Variants in SLC15A2 observed in about 807,000 individuals in gnomAD.
The protein encoded by SLC15A2 is kidney H(+)/peptide cotransporter.
Under a neutral mutation model 95.5 loss-of-function variants are expected in SLC15A2, and 77 were observed. The ratio of observed to expected loss-of-function variants is 0.81; its 90% CI spans 0.67 to 0.97. The LOEUF is 0.97. Among genes scored for constraint, SLC15A2 ranks in the 50% least tolerant of loss-of-function variants. The pLI, the probability that SLC15A2 is intolerant of heterozygous loss-of-function variation, is 0.00. For synonymous variants in SLC15A2, 306 were observed against 306.9 expected, an observed-to-expected ratio of 1.00 and a Z score of 0.03; for missense variants, 893 against 874.4, an observed-to-expected ratio of 1.02 and a Z score of -0.27.
intron 1 of SLC15A2, 139 bp from the exon 2 acceptor site, chr3:121,896,267 G>T: frequency 1.5e-6 from 1 of 680,696 alleles, no homozygotes; most frequent in Non-Finnish European, 2.7e-6. Flanking sequence ...TAATAGGTGT[G>T]TCATGAAGAG....
intron 19 of SLC15A2, among the ~76,000 whole-genome samples, chr3:121,934,843 G>A (rs1029294896): frequency 3.9e-4 from 60 of 151,968 alleles, no homozygotes; most frequent in African/African-American, 1.4e-3. Context: ...TCTTGTGCCA[G>A]TTTTCAAAGG....
chr3:121,922,807 T>C lies in SLC15A2; in HGVS notation c.813T>C (p.Ser271=). The change falls in exon 9 of 22, where the codon TCT becomes TCC. Residue 271 remains serine, a synonymous_variant. Coordinates refer to ENST00000489711, the MANE Select transcript of SLC15A2 (RefSeq NM_021082.4). ...TTTCCAATCGTTTCAAGAACCGTTC[T>C]GGAGACATTCCAAAGCGACAGCACT... The part of the protein sequence containing the change: ...FAISNRFKNR[S]GDIPKRQHWL... The C allele has an allele frequency of 2.5e-6, 4 of 1,614,030 alleles. No individual in the cohort carries two copies. The highest frequency in any genetic ancestry group is 3.4e-6 in the Non-Finnish European group (4 of 1,179,896).
At chr3:121,930,973 C>A (rs1710221791) in intron 18 of SLC15A2, 23 bp downstream of exon 18, 1 of 1,456,404 alleles carries the variant, frequency 6.9e-7, no homozygotes, top group Non-Finnish European at 9.6e-7. Context: ...CCCCTGTGGA[C>A]ATTTTACTTT....
intron 7 of SLC15A2, among the ~76,000 whole-genome samples, chr3:121,920,953 C>G (rs1044071237): frequency 1.3e-5 from 2 of 152,084 alleles, no homozygotes; most frequent in Admixed American, 6.5e-5. Flanking sequence ...TGGGAGGGAA[C>G]CAAGATGGAG....
intron 8 of SLC15A2, 25 bp downstream of exon 8, chr3:121,922,327 C>G: frequency 6.3e-7 from 1 of 1,589,030 alleles, no homozygotes; most frequent in East Asian, 2.2e-5. Flanking sequence ...TGTTTTCTTG[C>G]CTTTTTCAAT....
rs760536571 is a variant in SLC15A2 at position 121,924,977 on chromosome 3, C to T, written c.1068C>T (p.Ile356=). ...VLNPLLVLIF[I]PLFDFVIYRL... ...ATCCCCTTCTGGTTCTTATCTTCAT[C>T]CCGTTGTTTGACTTTGTCATTTATC... Residue 356 remains isoleucine (I), a synonymous_variant, in exon 13 of 22, where the codon ATC becomes ATT. Transcript: ENST00000489711. The T allele has an allele frequency of 5.0e-6, 8 of 1,613,098 alleles. No individual in the cohort carries two copies. Among genetic ancestry groups the T allele is most frequent in the Non-Finnish European group, 6.8e-6 (8 of 1,179,142 alleles).
chr3:121,911,694 C>A, intron 4 of SLC15A2, 28 bp downstream of exon 4: 2 of 1,342,338 alleles, frequency 1.5e-6, no homozygotes, highest in Non-Finnish European at 2.1e-6. Context: ...ATCAACTAAA[C>A]TACTTTTCTC....
intron 7 of SLC15A2, among the ~76,000 whole-genome samples, chr3:121,917,774 G>T (rs1709925443): frequency 6.6e-6 from 1 of 152,080 alleles, no homozygotes; most frequent in Admixed American, 6.5e-5. Flanking sequence ...GACATTTAAG[G>T]TGAGACCTAA....
At position 121,941,780 on chromosome 3, in the gene SLC15A2, CAG is replaced by C. The variant is rs1710468319; in HGVS notation, c.*776_*777del. The C allele has an allele frequency of 6.6e-6, 1 of 152,234 alleles. No homozygotes were observed. 9.4% of individuals were successfully genotyped at this position (152,234 alleles called of 1,614,324 possible). On this transcript the variant is annotated 3_prime_UTR_variant, in exon 22 of 22. Transcript: ENST00000489711. ...TCCTGAAGAGCCAGTCATTCTTTTA[CAG>C]AGTACATTCTTCTTAGCCTCTATGG...
At chr3:121,913,228 T>G in intron 5 of SLC15A2, 108 bp downstream of exon 5, 5 of 782,768 alleles carry the variant, frequency 6.4e-6, no homozygotes, top group Non-Finnish European at 8.7e-6. Flanking sequence ...GGTCAGATCT[T>G]ATCTGAGCAG....
At chr3:121,908,274 A>G (rs573560674) in intron 3 of SLC15A2, among the ~76,000 whole-genome samples, 3 of 152,204 alleles carry the variant, frequency 2.0e-5, no homozygotes, top group Non-Finnish European at 4.4e-5. Flanking sequence ...GCGATTTTCC[A>G]GGTACAGTCT....
At chr3:121,909,659 T>C (rs1272207873) in intron 3 of SLC15A2, among the ~76,000 whole-genome samples, 1 of 152,190 alleles carries the variant, frequency 6.6e-6, no homozygotes, top group East Asian at 1.9e-4. Context: ...TTTTAATCTA[T>C]AAGTTGCCTA....
At chr3:121,905,224 T>C (rs1424140615) in intron 3 of SLC15A2, among the ~76,000 whole-genome samples, 1 of 152,222 alleles carries the variant, frequency 6.6e-6, no homozygotes, top group Admixed American at 6.5e-5. Flanking sequence ...ATTGTATCTA[T>C]TTGATTCTTC....
At chr3:121,898,385 T>C (rs1345133398) in intron 3 of SLC15A2, among the ~76,000 whole-genome samples, 7 of 152,186 alleles carry the variant, frequency 4.6e-5, no homozygotes, top group Non-Finnish European at 1.0e-4. Flanking sequence ...CAGTTCAGTA[T>C]CTTTTAAGTC....
In SLC15A2 at chr3:121,911,762, A is replaced by G; in HGVS notation, c.428+96A>G. On this transcript the variant is annotated intron_variant, in intron 4 of 21. Coordinates refer to ENST00000489711, the MANE Select transcript of SLC15A2 (RefSeq NM_021082.4). Reference sequence around the variant, plus strand: ...TACCAGAGATGTCTCTTTATTTTCAATCTACAGTTTACTACAAAACTGGTT... The same window carrying G: ...TACCAGAGATGTCTCTTTATTTTCAGTCTACAGTTTACTACAAAACTGGTT... 4.8e-6 allele frequency: 4 copies of G among 830,402 alleles called. No homozygotes were observed. In the South Asian group the frequency reaches 6.1e-5, roughly 13 times the overall value. 51.4% of individuals were successfully genotyped at this position (830,402 alleles called of 1,614,324 possible). A position where few individuals can be genotyped will look rare whatever the true frequency, so the allele number is the denominator to read the frequency against.
At chr3:121,928,302 G>T in intron 14 of SLC15A2, 119 bp from the exon 15 acceptor site, 1 of 1,249,740 alleles carries the variant, frequency 8.0e-7, no homozygotes. Context: ...TTTTCAGAGG[G>T]AGAAAACTAT....
At chr3:121,922,505 A>T (rs11920521) in intron 8 of SLC15A2, among the ~76,000 whole-genome samples, 1 of 151,918 alleles carries the variant, frequency 6.6e-6, no homozygotes, top group Non-Finnish European at 1.5e-5. Flanking sequence ...CATCTTTTTA[A>T]GTTGGCAAAA....
At chr3:121,900,287 C>T (rs1709497021) in intron 3 of SLC15A2, among the ~76,000 whole-genome samples, 1 of 152,176 alleles carries the variant, frequency 6.6e-6, no homozygotes, top group Non-Finnish European at 1.5e-5. Flanking sequence ...CACAATCTCT[C>T]TCACATTTAT....
intron 3 of SLC15A2, among the ~76,000 whole-genome samples, chr3:121,899,269 A>C (rs529200114): frequency 1.1e-4 from 17 of 152,236 alleles, no homozygotes; most frequent in African/African-American, 4.1e-4. Flanking sequence ...ATTTATTTTT[A>C]TTGGGATATA....
Sources: gnomAD v4.1 joint callset for allele counts (sites outside exome capture counted in the v4.1 genomes callset) on GRCh38, gnomAD v4.1.1 for gene constraint, MANE v1.5 for transcripts, NCBI Gene and HGNC (gene_info 2026-07-23, HGNC 2026-07-21) for gene names.